Variants in MMP16 observed in about 807,000 individuals in gnomAD.
The protein encoded by MMP16 is matrix metallopeptidase 16.
MMP16 carries 12 observed loss-of-function variants against 67.8 expected under a neutral mutation model. That is an observed-to-expected ratio of 0.18 (90% CI 0.11 to 0.29). MMP16 has a LOEUF of 0.29. Ranked by LOEUF, MMP16 falls within the 10% of genes least tolerant of loss-of-function variation. MMP16 has a pLI of 1.00. For missense variants in MMP16, 475 were observed against 765.7 expected (o/e 0.62, Z 4.48); for synonymous variants, 249 against 255.9 (o/e 0.97, Z 0.26).
chr8:88,057,394 C>T (rs933462144), intron 7 of MMP16, among the ~76,000 whole-genome samples: 1 of 152,056 alleles, frequency 6.6e-6, no homozygotes, highest in Non-Finnish European at 1.5e-5. Context: ...AAGATATTTC[C>T]ATAAAAGTCA....
chr8:88,282,492 C>T (rs1020238560), intron 1 of MMP16, among the ~76,000 whole-genome samples: 3 of 152,168 alleles, frequency 2.0e-5, no homozygotes, highest in Non-Finnish European at 4.4e-5. Context: ...ATATTAAAAA[C>T]AAATAATGTT....
At chr8:88,271,309 T>C (rs1434502222) in intron 1 of MMP16, among the ~76,000 whole-genome samples, 1 of 152,248 alleles carries the variant, frequency 6.6e-6, no homozygotes, top group Non-Finnish European at 1.5e-5. Flanking sequence ...CTTTGCACCA[T>C]TCTTCCATAA....
chr8:88,125,703 G>C (rs937438526), intron 4 of MMP16, among the ~76,000 whole-genome samples: 1 of 151,924 alleles, frequency 6.6e-6, no homozygotes, highest in Non-Finnish European at 1.5e-5. Flanking sequence ...AGAAAAGCAA[G>C]ATTGGATATA....
At chr8:88,126,777 C>T (rs767879591) in intron 4 of MMP16, among the ~76,000 whole-genome samples, 5 of 151,802 alleles carry the variant, frequency 3.3e-5, no homozygotes, top group Non-Finnish European at 7.4e-5. Context: ...AAACTACTAA[C>T]CTCTCTGCAA....
intron 4 of MMP16, among the ~76,000 whole-genome samples, chr8:88,120,540 T>C (rs928198144): frequency 6.6e-6 from 1 of 151,818 alleles, no homozygotes; most frequent in African/African-American, 2.4e-5. Flanking sequence ...GGCTGGAGTA[T>C]GCTATCAATG....
Position 88,312,483 on chromosome 8 carries a change from A to G in MMP16, c.132+14592T>C, listed in dbSNP as rs149356855. On this transcript the variant is annotated intron_variant, in intron 1 of 9. Coordinates refer to ENST00000286614, the MANE Select transcript of MMP16 (RefSeq NM_005941.5). Reference sequence around the variant, plus strand: ...TCTATTGAGGTATGATTGGTATACAATAAGCAGCACATATTTTAAGTGTAC... The same window carrying G: ...TCTATTGAGGTATGATTGGTATACAGTAAGCAGCACATATTTTAAGTGTAC... Among the ~76,000 whole-genome samples, 242 of 152,310 alleles carry G rather than the reference A, an allele frequency of 1.6e-3. 1 individual carries two copies. Among genetic ancestry groups the G allele is most frequent in the African/African-American group, 5.4e-3 (225 of 41,592 alleles).
At chr8:88,162,657 C>T (rs1586183711) in intron 4 of MMP16, among the ~76,000 whole-genome samples, 2 of 152,056 alleles carry the variant, frequency 1.3e-5, no homozygotes, top group Admixed American at 1.3e-4. Flanking sequence ...GTAGGAGGGG[C>T]CTGGTGGAAG....
chr8:88,045,776 CTTGT>C (rs1366327234), intron 9 of MMP16, among the ~76,000 whole-genome samples: 9 of 152,176 alleles, frequency 5.9e-5, no homozygotes, highest in African/African-American at 1.9e-4. Flanking sequence ...CCTAGATGCA[CTTGT>C]TTGTCTTGCA....
At chr8:88,049,545 T>C (rs776118789) in intron 8 of MMP16, among the ~76,000 whole-genome samples, 14 of 152,194 alleles carry the variant, frequency 9.2e-5, no homozygotes, top group Non-Finnish European at 1.8e-4. Context: ...TCATGGATCC[T>C]AAGAAACACT....
intron 6 of MMP16, among the ~76,000 whole-genome samples, chr8:88,089,851 T>C (rs1808904494): frequency 6.6e-6 from 1 of 151,782 alleles, no homozygotes; most frequent in African/African-American, 2.4e-5. Context: ...ATACTGCAGA[T>C]AATTAAAAAA....
At chr8:88,176,021 C>T (rs554754516) in intron 3 of MMP16, among the ~76,000 whole-genome samples, 22 of 152,226 alleles carry the variant, frequency 1.4e-4, no homozygotes, top group Non-Finnish European at 2.5e-4. Flanking sequence ...TTATAAATTA[C>T]CCAGTCATGA....
At chr8:88,255,308 C>T (rs568310280) in intron 1 of MMP16, among the ~76,000 whole-genome samples, 98 of 152,308 alleles carry the variant, frequency 6.4e-4, no homozygotes, top group African/African-American at 2.2e-3. Context: ...CTTCACCTTT[C>T]GCCATGATTG....
chr8:88,199,914 G>T (rs1343245455), intron 1 of MMP16, among the ~76,000 whole-genome samples: 2 of 151,860 alleles, frequency 1.3e-5, no homozygotes, highest in African/African-American at 4.8e-5. Flanking sequence ...GTTCTCAAAT[G>T]CACATTATGA....
At chr8:88,086,214 G>C (rs1220203903) in intron 6 of MMP16, among the ~76,000 whole-genome samples, 1 of 151,674 alleles carries the variant, frequency 6.6e-6, no homozygotes, top group East Asian at 1.9e-4. Context: ...ATCACTGGGG[G>C]ATGGGTATGA....
Position 88,041,320 on chromosome 8 carries a change from A to G in MMP16, c.*141T>C, listed in dbSNP as rs1808129666. Reference sequence around the variant, plus strand: ...TTTCCACTCATGTGCAGGACCAGCAACCCTCTGGGTTTGAAAGGTCAGCCC... The same window carrying G: ...TTTCCACTCATGTGCAGGACCAGCAGCCCTCTGGGTTTGAAAGGTCAGCCC... On this transcript the variant is annotated 3_prime_UTR_variant, in exon 10 of 10. Coordinates refer to ENST00000286614, the MANE Select transcript of MMP16 (RefSeq NM_005941.5). The surrounding 1 kb of genome is among the most constrained non-coding windows in gnomAD (Gnocchi z 6.0). The G allele has an allele frequency of 1.3e-6, 1 of 762,648 alleles. No homozygotes were observed. The highest frequency in any genetic ancestry group is 2.2e-6 in the Non-Finnish European group (1 of 458,934). The allele number at this position is 762,648 out of a possible 1,614,324, so 47.2% of individuals were successfully genotyped here.
chr8:88,276,207 G>A (rs149406253), intron 1 of MMP16, among the ~76,000 whole-genome samples: 200 of 152,040 alleles, frequency 1.3e-3, no homozygotes, highest in African/African-American at 4.6e-3. Context: ...AAAACAGTGG[G>A]GTACCCAAGC....
intron 7 of MMP16, among the ~76,000 whole-genome samples, chr8:88,060,522 G>A (rs558190863): frequency 6.6e-6 from 1 of 152,196 alleles, no homozygotes; most frequent in South Asian, 2.1e-4. Flanking sequence ...CAGTACGGGT[G>A]TCTTATCTCA....
intron 6 of MMP16, 65 bp from the exon 7 acceptor site, chr8:88,074,808 T>C: frequency 6.5e-7 from 1 of 1,542,944 alleles, no homozygotes; most frequent in African/African-American, 1.4e-5. Context: ...CACGGCGCAA[T>C]GGCTGGACGC....
At chr8:88,046,608 A>T in intron 9 of MMP16, 61 bp downstream of exon 9, 3 of 1,046,954 alleles carry the variant, frequency 2.9e-6, no homozygotes, top group Non-Finnish European at 4.2e-6. Context: ...GCAGAGTGAA[A>T]AAGCCTAATG....
Sources: allele counts gnomAD v4.1 joint callset (sites outside exome capture counted in the v4.1 genomes callset), GRCh38; gene constraint gnomAD v4.1.1; non-coding constraint Gnocchi (gnomAD v3.1); transcripts MANE v1.5; gene names NCBI Gene and HGNC (gene_info 2026-07-23, HGNC 2026-07-21).